The following JAKMIP3 variants were observed in gnomAD, a reference collection of about 807,000 sequenced individuals.
JAKMIP3 encodes the protein Janus kinase and microtubule interacting protein 3.
In JAKMIP3, 58 loss-of-function variants were observed where a neutral mutation model predicts 118.5. That is an observed-to-expected ratio of 0.49 (90% CI 0.40 to 0.61). JAKMIP3 has a LOEUF of 0.61. Ranked by LOEUF, JAKMIP3 falls within the 20% of genes least tolerant of loss-of-function variation. JAKMIP3 has a pLI of 0.00. For synonymous variants in JAKMIP3, 486 were observed against 451.2 expected, an observed-to-expected ratio of 1.08 and a Z score of -0.98; for missense variants, 950 against 1,109.0, an observed-to-expected ratio of 0.86 and a Z score of 2.04.
At chr10:132,161,385 TGGGGGGGGTCTATTCCTGTGTCTTACTGG>T (rs2058272795) in intron 19 of JAKMIP3, among the ~76,000 whole-genome samples, 1 of 20,462 alleles carries the variant, frequency 4.9e-5, no homozygotes, top group African/African-American at 2.7e-4. Flanking sequence ...TGTGTGATGC[TGGGGGGGGTCTATTCCTGTGTCTTACTGG>T]GGGGGGCCTC....
chr10:132,139,186 ATGTG>A lies in JAKMIP3; in HGVS notation c.1344+1014_1344+1017del, dbSNP rs530600418. 3.0e-3 allele frequency among the ~76,000 whole-genome samples: 281 copies of A among 92,750 alleles called. 5 individuals are homozygous for A. The highest frequency in any genetic ancestry group is 0.012 in the African/African-American group (247 of 19,950). 60.8% of individuals were successfully genotyped at this position (92,750 alleles called of 152,430 possible). A position where few individuals can be genotyped will look rare whatever the true frequency, so the allele number is the denominator to read the frequency against. On this transcript the variant is annotated intron_variant, in intron 9 of 23. Coordinates refer to ENST00000684848, the MANE Select transcript of JAKMIP3 (RefSeq NM_001323087.2). ...TGTACATGTGTGTATGTGTCTGTGT[ATGTG>A]TGTGTATGAGTGTGTGTGTGTATGT...
rs542835616 is a variant in JAKMIP3 at position 132,121,625 on chromosome 10, A to G, written c.633+4051A>G. 1.1e-4 allele frequency among the ~76,000 whole-genome samples: 17 copies of G among 152,228 alleles called. 1 individual carries two copies. In the South Asian group the frequency reaches 3.5e-3, roughly 32 times the overall value. Reference sequence around the variant, plus strand: ...CTGTCCCATGATGGCCTCCACCCCCAGGTGTGGGCACATTGCCGTGGCCCT... The same window carrying G: ...CTGTCCCATGATGGCCTCCACCCCCGGGTGTGGGCACATTGCCGTGGCCCT... On this transcript the variant is annotated intron_variant, in intron 3 of 23. Coordinates refer to ENST00000684848, the MANE Select transcript of JAKMIP3 (RefSeq NM_001323087.2).
At chr10:132,099,333 C>T (rs1267334457) in intron 1 of JAKMIP3, among the ~76,000 whole-genome samples, 1 of 152,200 alleles carries the variant, frequency 6.6e-6, no homozygotes, top group African/African-American at 2.4e-5. Flanking sequence ...TGCCATAAAA[C>T]GACTTTACCA....
chr10:132,182,143 G>A (rs2137418291), intron 23 of JAKMIP3, among the ~76,000 whole-genome samples: 1 of 152,120 alleles, frequency 6.6e-6, no homozygotes, highest in Admixed American at 6.5e-5. Context: ...CCTTCGGTGG[G>A]TGCCAGGTGC....
intron 10 of JAKMIP3, 27 bp from the exon 11 acceptor site, chr10:132,141,893 G>A: frequency 1.9e-6 from 3 of 1,583,006 alleles, no homozygotes; most frequent in Non-Finnish European, 2.6e-6. Context: ...GTGTCTCTGT[G>A]CGTGTGTGGC....
intron 14 of JAKMIP3, 36 bp downstream of exon 14, chr10:132,148,086 CTG>C: frequency 7.3e-7 from 1 of 1,372,692 alleles, no homozygotes; most frequent in Non-Finnish European, 1.0e-6. Context: ...TGGCCTGTGG[CTG>C]TGTCAGGGAT....
intron 13 of JAKMIP3, among the ~76,000 whole-genome samples, chr10:132,146,129 G>GCCCCCCCCCCCCCCCCC (rs2054556301): frequency 1.0e-5 from 1 of 99,980 alleles, no homozygotes; most frequent in Non-Finnish European, 2.2e-5. Context: ...GTGCTGCCCC[G>GCCCCCCCCCCCCCCCCC]CCCCCACCCC....
At chr10:132,102,821 C>T (rs1459664903) in intron 1 of JAKMIP3, among the ~76,000 whole-genome samples, 1 of 152,184 alleles carries the variant, frequency 6.6e-6, no homozygotes, top group Non-Finnish European at 1.5e-5. Flanking sequence ...CCAAGTCTCC[C>T]TCCCATGGTC....
intron 1 of JAKMIP3, among the ~76,000 whole-genome samples, chr10:132,071,160 A>AGTGTGTGT (rs3068079): frequency 0.073 from 10,804 of 149,002 alleles, 391 homozygotes; most frequent in East Asian, 0.13. Context: ...GTCATTTAAA[A>AGTGTGTGT]GTGTGTGTGT....
Position 132,108,976 on chromosome 10 carries a change from T to C in JAKMIP3, c.135+4033T>C, listed in dbSNP as rs11594327. Among the ~76,000 whole-genome samples, 115 of 129,950 alleles carry C rather than the reference T, an allele frequency of 8.8e-4. 6 individuals carry two copies. Among genetic ancestry groups the C allele is most frequent in the African/African-American group, 3.4e-3 (102 of 30,344 alleles). The allele number at this position is 129,950 out of a possible 152,430, so 85.3% of individuals were successfully genotyped here. On this transcript the variant is annotated intron_variant, in intron 2 of 23. Transcript: ENST00000684848. ...TACGCAAATGTATATATAAATTATA[T>C]ACGCAAATGTATATATACATATACA...
rs1291593255 is a variant in JAKMIP3 at position 132,168,380 on chromosome 10, G to A, written c.*450G>A. On this transcript the variant is annotated 3_prime_UTR_variant, in exon 23 of 24. Transcript: ENST00000684848. ...TGGAGGAAGATTTTCAGAAACAACA[G>A]AGGCTTGGCCTGATGACAAGATGAA... 7.8e-7 allele frequency: 1 copy of A among 1,289,468 alleles called. No homozygotes were observed. Among genetic ancestry groups the A allele is most frequent in the African/African-American group, 1.5e-5 (1 of 65,870 alleles). The allele number at this position is 1,289,468 out of a possible 1,614,324, so 79.9% of individuals were successfully genotyped here.
chr10:132,163,460 CTGCACAGAGCCAGGGGG>C, intron 20 of JAKMIP3, 48 bp downstream of exon 20: 2 of 1,517,302 alleles, frequency 1.3e-6, no homozygotes, highest in Non-Finnish European at 1.8e-6. Flanking sequence ...TGGCCAGGAC[CTGCACAGAGCCAGGGGG>C]GGTCCTCCCA....
At position 132,112,988 on chromosome 10, in the gene JAKMIP3, C is replaced by T. The variant is rs905059544; in HGVS notation, c.136-4089C>T. ...CAGCTAGGGTTTGAAAGACTGTGACCGTCCCACTTTCTAAAGCGTGACTTA... is the reference window on the plus strand; with the variant it reads ...CAGCTAGGGTTTGAAAGACTGTGACTGTCCCACTTTCTAAAGCGTGACTTA... On this transcript the variant is annotated intron_variant, in intron 2 of 23. Coordinates refer to ENST00000684848, the MANE Select transcript of JAKMIP3 (RefSeq NM_001323087.2). This position sits in a 1 kb window ranked among gnomAD's most constrained non-coding sequence, Gnocchi z 4.3. 6.6e-6 allele frequency among the ~76,000 whole-genome samples: 1 copy of T among 152,116 alleles called. No homozygotes were observed. The highest frequency in any genetic ancestry group is 2.4e-5 in the African/African-American group (1 of 41,416).
intron 1 of JAKMIP3, among the ~76,000 whole-genome samples, chr10:132,102,590 C>T (rs1396689494): frequency 6.6e-6 from 1 of 152,244 alleles, no homozygotes; most frequent in East Asian, 1.9e-4. Context: ...CCTGTCAGCC[C>T]CGCAGGCTCC....
chr10:132,044,607 C>T lies in JAKMIP3; in HGVS notation c.-138+7869C>T, dbSNP rs1054218938. The stretch of plus-strand genomic sequence containing the variant: ...ACTAGAGCAGGCTGGGGTCCTGGCG[C>T]GGGCTCTTCCTCAGGGCAGCAGGAC... On this transcript the variant is annotated intron_variant, in intron 1 of 23. Transcript: ENST00000657785. This position sits in a 1 kb window ranked among gnomAD's most constrained non-coding sequence, Gnocchi z 5.3. Among the ~76,000 whole-genome samples the T allele has an allele frequency of 6.6e-6, 1 of 152,060 alleles. No individual in the cohort carries two copies. The highest frequency in any genetic ancestry group is 1.5e-5 in the Non-Finnish European group (1 of 68,002).
At chr10:132,109,503 C>G (rs1328656634) in intron 2 of JAKMIP3, among the ~76,000 whole-genome samples, 1 of 152,118 alleles carries the variant, frequency 6.6e-6, no homozygotes, top group African/African-American at 2.4e-5. Context: ...GGTGTGGGTC[C>G]CCCTGCGCCC....
At chr10:132,088,179 T>A (rs1358270984) in intron 1 of JAKMIP3, among the ~76,000 whole-genome samples, 1 of 152,124 alleles carries the variant, frequency 6.6e-6, no homozygotes, top group African/African-American at 2.4e-5. Flanking sequence ...TGTGTGCATG[T>A]GTCTTTATAG....
In JAKMIP3 at chr10:132,168,283, G is replaced by C. The variant is rs777326383; in HGVS notation, c.*353G>C. The C allele has an allele frequency of 1.9e-5, 24 of 1,289,390 alleles. No homozygotes were observed. The South Asian group carries it at 2.3e-4, about 13-fold the overall frequency. The allele number at this position is 1,289,390 out of a possible 1,614,324, so 79.9% of individuals were successfully genotyped here. ...TCCCTGCCAAGCAGGGGTGAGAACT[G>C]CTTCTGTGCAGAAGCACCAGCCGCG... On this transcript the variant is annotated 3_prime_UTR_variant, in exon 23 of 24. Transcript: ENST00000684848.
Position 132,147,946 on chromosome 10 carries a change from T to A in JAKMIP3, c.1750-6T>A. 1 of 1,594,330 alleles carries A rather than the reference T, an allele frequency of 6.3e-7. No individual in the cohort carries two copies. Among genetic ancestry groups the A allele is most frequent in the Non-Finnish European group, 8.6e-7 (1 of 1,168,090 alleles). On this transcript the variant is annotated splice_region_variant and splice_polypyrimidine_tract_variant and intron_variant, in intron 13 of 23. Transcript: ENST00000684848. ...CCCCTCACCTCATGCATCTTTTATG[T>A]TGCAGATCAAACAAATGGAGACGGA... is the stretch of plus-strand genomic sequence containing the variant.
Sources: allele counts gnomAD v4.1 joint callset (sites outside exome capture counted in the v4.1 genomes callset), GRCh38; gene constraint gnomAD v4.1.1; non-coding constraint Gnocchi (gnomAD v3.1); transcripts MANE v1.5; gene names NCBI Gene and HGNC (gene_info 2026-07-23, HGNC 2026-07-21).